The following RNF150 variants were observed in gnomAD, a reference collection of about 807,000 sequenced individuals.
RNF150 encodes ring finger protein 150.
In RNF150, 24 loss-of-function variants were observed where a neutral mutation model predicts 39.3. The observed-to-expected ratio is 0.61, with a 90% CI of 0.44 to 0.86. The LOEUF (loss-of-function observed/expected upper bound fraction) is 0.86, where lower values mean the gene tolerates loss of function less well. Among genes scored for constraint, RNF150 ranks in the 40% least tolerant of loss-of-function variants. The pLI is 0.00. For missense variants in RNF150, 502 were observed against 587.8 expected, an observed-to-expected ratio of 0.85 and a Z score of 1.51; for synonymous variants, 255 against 227.3, an observed-to-expected ratio of 1.12 and a Z score of -1.10.
chr4:141,197,574 A>G (rs1414465041), intron 1 of RNF150, among the ~76,000 whole-genome samples: 1 of 152,190 alleles, frequency 6.6e-6, no homozygotes, highest in Non-Finnish European at 1.5e-5. Flanking sequence ...AAGTCAAGTA[A>G]TCAAATACTT....
chr4:141,052,601 C>A (rs957831829), intron 1 of RNF150, among the ~76,000 whole-genome samples: 7 of 152,126 alleles, frequency 4.6e-5, no homozygotes, highest in Middle Eastern at 3.2e-3. Context: ...GTCTTGGACT[C>A]CTGACCTGAG....
At chr4:140,968,041 TCTTTCTTCAGCTACCTAG>T (rs1480657378) in intron 1 of RNF150, among the ~76,000 whole-genome samples, 168 bp from the exon 2 acceptor site, 1 of 152,118 alleles carries the variant, frequency 6.6e-6, no homozygotes, top group Non-Finnish European at 1.5e-5. Context: ...TCAAATTTTC[TCTTTCTTCAGCTACCTAG>T]CTTTCTTCAG....
Position 140,911,235 on chromosome 4 carries a change from C to T in RNF150, c.1107G>A (p.Leu369=), listed in dbSNP as rs1730588826. The T allele has an allele frequency of 6.2e-7, 1 of 1,613,984 alleles. No individual in the cohort carries two copies. The highest frequency in any genetic ancestry group is 1.3e-5 in the African/African-American group (1 of 74,896). ...CTCCCACAGTCCGGACAGCAGGGTC[C>T]AAAGTGACTGAACTTTCATTCACTG... ...DTTVNESSVT[L]DPAVRTVGAL... The change falls in exon 6 of 7, where the codon TTG becomes TTA. Residue 369 remains leucine (L), a synonymous_variant. Transcript: ENST00000515673.
In RNF150 at chr4:141,050,870, C is replaced by G. The variant is rs898490853; in HGVS notation, c.484+81455G>C. Among the ~76,000 whole-genome samples, 4 of 152,352 alleles carry G rather than the reference C, an allele frequency of 2.6e-5. No individual in the cohort carries two copies. In the Middle Eastern group the frequency reaches 0.014, roughly 518 times the overall value. ...CAACAGCCCTCTTCTCACAGCTCCA[C>G]TAGGTAGTGCCCCAGTAGGGACTCT... On this transcript the variant is annotated intron_variant, in intron 1 of 6. Coordinates refer to ENST00000515673, the MANE Select transcript of RNF150 (RefSeq NM_020724.2).
chr4:140,975,312 C>T (rs534353969), intron 1 of RNF150, among the ~76,000 whole-genome samples: 17 of 152,224 alleles, frequency 1.1e-4, no homozygotes, highest in Non-Finnish European at 1.8e-4. Flanking sequence ...CCTAGCTATA[C>T]GAAAGGCAAC....
At chr4:140,998,572 T>C (rs1734467221) in intron 1 of RNF150, among the ~76,000 whole-genome samples, 1 of 152,182 alleles carries the variant, frequency 6.6e-6, no homozygotes, top group South Asian at 2.1e-4. Flanking sequence ...ACCATTACCA[T>C]CAAGGACTCT....
At chr4:141,191,707 TTATC>T (rs764530781) in intron 1 of RNF150, among the ~76,000 whole-genome samples, 171 of 152,292 alleles carry the variant, frequency 1.1e-3, no homozygotes, top group Non-Finnish European at 1.9e-3. Flanking sequence ...TATTGATATA[TTATC>T]TATCTATCTA....
In RNF150 at chr4:140,960,594, T is replaced by G. The variant is rs115378653; in HGVS notation, c.735+7029A>C. 3.5e-3 allele frequency among the ~76,000 whole-genome samples: 537 copies of G among 152,246 alleles called. 4 individuals carry two copies. Among genetic ancestry groups the G allele is most frequent in the African/African-American group, 0.013 (521 of 41,544 alleles). On this transcript the variant is annotated intron_variant, in intron 2 of 6. Coordinates refer to ENST00000515673, the MANE Select transcript of RNF150 (RefSeq NM_020724.2). ...GCCCTCTAGGGAGGGAAGAGGGGCT[T>G]GAAGGCTGAGTTGATCAACAATGGC...
At chr4:141,078,892 TATATATACACATAC>T (rs1316783908) in intron 1 of RNF150, among the ~76,000 whole-genome samples, 1 of 145,986 alleles carries the variant, frequency 6.8e-6, no homozygotes, top group Non-Finnish European at 1.5e-5. Flanking sequence ...TACACATACA[TATATATACACATAC>T]ATATATACAC....
upstream of RNF150, among the ~76,000 whole-genome samples, chr4:141,137,431 T>A (rs1727044059): frequency 6.6e-6 from 1 of 152,172 alleles, no homozygotes; most frequent in Non-Finnish European, 1.5e-5. Context: ...CAATATGTTT[T>A]GAAGGTGGGA....
In RNF150 at chr4:141,133,101, G is replaced by C; in HGVS notation, c.-293C>G. 1 of 354,718 alleles carries C rather than the reference G, an allele frequency of 2.8e-6. No individual in the cohort carries two copies. 22.0% of individuals were successfully genotyped at this position (354,718 alleles called of 1,614,324 possible). A position where few individuals can be genotyped will look rare whatever the true frequency, so the allele number is the denominator to read the frequency against. On this transcript the variant is annotated 5_prime_UTR_variant, in exon 1 of 7. Coordinates refer to ENST00000515673, the MANE Select transcript of RNF150 (RefSeq NM_020724.2). ...GGGCTTGCGGAGGAGTCCTGCTGCC[G>C]AGCGTCCTGCTCCTTCGCCCGGCTT...
intron 1 of RNF150, among the ~76,000 whole-genome samples, chr4:140,971,280 G>C (rs1733454132): frequency 2.6e-5 from 4 of 151,704 alleles, no homozygotes; most frequent in Non-Finnish European, 5.9e-5. Context: ...GAGAAAAAGG[G>C]GTGGGGCTAG....
Position 141,124,057 on chromosome 4 carries a change from G to A in RNF150, c.484+8268C>T, listed in dbSNP as rs541281151. Among the ~76,000 whole-genome samples the A allele has an allele frequency of 9.2e-5, 14 of 152,312 alleles. No individual in the cohort carries two copies. The East Asian group carries it at 2.5e-3, about 27-fold the overall frequency. ...TGGACCAAATTACCCTTCAGCTCCT[G>A]CTTTAAGGTCCATGAATACCCCGAA... On this transcript the variant is annotated intron_variant, in intron 1 of 6. Coordinates refer to ENST00000515673, the MANE Select transcript of RNF150 (RefSeq NM_020724.2).
At chr4:140,873,799 C>T (rs57040623) in intron 6 of RNF150, among the ~76,000 whole-genome samples, 1 of 152,140 alleles carries the variant, frequency 6.6e-6, no homozygotes, top group African/African-American at 2.4e-5. Context: ...CCTCAGTCTC[C>T]CAAGTAGCTG....
intron 2 of RNF150, among the ~76,000 whole-genome samples, chr4:140,956,855 T>C (rs1732776184): frequency 6.6e-6 from 1 of 151,970 alleles, no homozygotes; most frequent in Non-Finnish European, 1.5e-5. Context: ...TAGACATATG[T>C]AGAAAGCTGA....
At chr4:140,962,121 C>T (rs925100593) in intron 2 of RNF150, among the ~76,000 whole-genome samples, 4 of 151,406 alleles carry the variant, frequency 2.6e-5, no homozygotes, top group African/African-American at 9.7e-5. Context: ...CACACACACA[C>T]ACGTATATAT....
rs72933042 is a variant in RNF150, at chr4:141,090,959, T to A, written c.484+41366A>T. Among the ~76,000 whole-genome samples, 600 of 152,350 alleles carry A rather than the reference T, an allele frequency of 3.9e-3. 5 individuals are homozygous for A. Among genetic ancestry groups the A allele is most frequent in the African/African-American group, 0.013 (542 of 41,594 alleles). ...GGTCTGTTGGCTGCTTGTTTTCAGA[T>A]AACCTTTCAGATGGCAAGGGCTGAA... On this transcript the variant is annotated intron_variant, in intron 1 of 6. Coordinates refer to ENST00000515673, the MANE Select transcript of RNF150 (RefSeq NM_020724.2).
intron 1 of RNF150, among the ~76,000 whole-genome samples, chr4:141,087,859 C>T (rs149157818): frequency 4.6e-5 from 7 of 151,976 alleles, no homozygotes; most frequent in East Asian, 1.9e-4. Flanking sequence ...GGAAAAAGTA[C>T]GTGCTTACAG....
intron 1 of RNF150, among the ~76,000 whole-genome samples, chr4:141,140,340 T>C (rs1727099095): frequency 6.6e-6 from 1 of 152,202 alleles, no homozygotes; most frequent in Admixed American, 6.5e-5. Flanking sequence ...AATTTTGACA[T>C]TTAATTTGGG....
Sources: allele counts gnomAD v4.1 joint callset (sites outside exome capture counted in the v4.1 genomes callset), GRCh38; gene constraint gnomAD v4.1.1; transcripts MANE v1.5; gene names NCBI Gene and HGNC (gene_info 2026-07-23, HGNC 2026-07-21).